MAPKAP1: variants seen among roughly 807,000 people sequenced by gnomAD.
MAPKAP1 encodes the protein target of rapamycin complex 2 subunit MAPKAP1.
Under a neutral mutation model 65.7 loss-of-function variants are expected in MAPKAP1, and 20 were observed. The observed-to-expected ratio is 0.30, with a 90% confidence interval of 0.21 to 0.44. The LOEUF is 0.44. Ranked by LOEUF, MAPKAP1 falls within the 20% of genes least tolerant of loss-of-function variation. MAPKAP1 has a pLI of 1.00. For missense variants in MAPKAP1, 423 were observed against 648.0 expected, an observed-to-expected ratio of 0.65 and a Z score of 3.77; for synonymous variants, 222 against 244.3, an observed-to-expected ratio of 0.91 and a Z score of 0.85.
At chr9:125,510,189 G>GA (rs1217249699) in intron 7 of MAPKAP1, among the ~76,000 whole-genome samples, 1 of 152,090 alleles carries the variant, frequency 6.6e-6, no homozygotes, top group African/African-American at 2.4e-5. Flanking sequence ...TAGGAAGGGG[G>GA]AAAAATGAAA....
At chr9:125,506,071 G>GTTT (rs1829130362) in intron 8 of MAPKAP1, 3 of 540,756 alleles carry the variant, frequency 5.5e-6, no homozygotes, top group Admixed American at 2.9e-5. Context: ...TAGGAAGACA[G>GTTT]TTTAACAGGA....
intron 3 of MAPKAP1, among the ~76,000 whole-genome samples, chr9:125,668,419 C>A (rs1199925068): frequency 2.0e-5 from 3 of 152,124 alleles, no homozygotes; most frequent in African/African-American, 7.2e-5. Context: ...GTATAATAAA[C>A]CTTAATATTA....
chr9:125,693,666 CATATACACGTATAT>C (rs1835264678), intron 1 of MAPKAP1, among the ~76,000 whole-genome samples: 2 of 134,328 alleles, frequency 1.5e-5, no homozygotes, highest in Admixed American at 8.3e-5. Context: ...CATACACACA[CATATACACGTATAT>C]ATACACGTAT....
intron 10 of MAPKAP1, among the ~76,000 whole-genome samples, chr9:125,455,769 C>T (rs369661582): frequency 6.6e-6 from 1 of 152,258 alleles, no homozygotes; most frequent in Non-Finnish European, 1.5e-5. Flanking sequence ...CACAGTTTGC[C>T]AATTCCTGCT....
At chr9:125,599,978 T>C (rs1832254644) in intron 4 of MAPKAP1, 1 of 151,912 alleles carries the variant, frequency 6.6e-6, no homozygotes, top group African/African-American at 2.4e-5. Context: ...AGAAAGGAGG[T>C]TGCTGCTCTC....
chr9:125,589,917 A>G (rs1341330432), intron 4 of MAPKAP1, among the ~76,000 whole-genome samples: 2 of 152,178 alleles, frequency 1.3e-5, no homozygotes, highest in African/African-American at 4.8e-5. Context: ...CTCTGAAATA[A>G]TAATTTCAAT....
In MAPKAP1 at chr9:125,551,862, G is replaced by C. The variant is rs541194874; in HGVS notation, c.848+7771C>G. On this transcript the variant is annotated intron_variant, in intron 6 of 11. Coordinates refer to ENST00000265960, the MANE Select transcript of MAPKAP1 (RefSeq NM_001006617.3). ...ACGAACAAGGCAGGTCCCTATCCTT[G>C]AGAGGCACTTAGCCCACTCAAGATC... Among the ~76,000 whole-genome samples, 35 of 152,322 alleles carry C rather than the reference G, an allele frequency of 2.3e-4. 1 individual carries two copies. The South Asian group carries it at 7.0e-3, about 31-fold the overall frequency.
At chr9:125,617,487 A>G (rs1832780506) in intron 4 of MAPKAP1, among the ~76,000 whole-genome samples, 1 of 152,218 alleles carries the variant, frequency 6.6e-6, no homozygotes, top group African/African-American at 2.4e-5. Context: ...AAAAGTCTGT[A>G]AGTCTCTGCC....
intron 3 of MAPKAP1, 74 bp downstream of exon 3, chr9:125,669,744 T>TA: frequency 1.3e-6 from 1 of 741,912 alleles, no homozygotes; most frequent in African/African-American, 1.8e-5. Flanking sequence ...AAGGATGAAT[T>TA]AAAAATAAAA....
At chr9:125,465,596 T>C (rs1376287244) in intron 10 of MAPKAP1, among the ~76,000 whole-genome samples, 4 of 152,234 alleles carry the variant, frequency 2.6e-5, no homozygotes, top group Admixed American at 1.3e-4. Flanking sequence ...GATTCTAAAT[T>C]CTGGCTTCAG....
chr9:125,693,025 C>T (rs1210641333), intron 1 of MAPKAP1, among the ~76,000 whole-genome samples: 2 of 152,162 alleles, frequency 1.3e-5, no homozygotes, highest in East Asian at 3.8e-4. Context: ...AGCAAACCCT[C>T]ACACACTGGA....
At chr9:125,598,418 A>C (rs1490007546) in intron 4 of MAPKAP1, among the ~76,000 whole-genome samples, 1 of 152,176 alleles carries the variant, frequency 6.6e-6, no homozygotes, top group Admixed American at 6.5e-5. Flanking sequence ...AAATTGACAA[A>C]ATCTCATTAA....
At position 125,512,651 on chromosome 9, in the gene MAPKAP1, G is replaced by A. The variant is rs915742335; in HGVS notation, c.959-6234C>T. Among the ~76,000 whole-genome samples the A allele has an allele frequency of 5.9e-5, 9 of 151,814 alleles. 1 individual carries two copies. Among genetic ancestry groups the A allele is most frequent in the African/African-American group, 2.2e-4 (9 of 41,320 alleles). ...GGTTGGAGTGCAGTGGCGCAATCTC[G>A]GCTCACTGCAAGCTCCGCCTCCCGG... On this transcript the variant is annotated intron_variant, in intron 7 of 11. Coordinates refer to ENST00000265960, the MANE Select transcript of MAPKAP1 (RefSeq NM_001006617.3).
In MAPKAP1 at chr9:125,505,217, G is replaced by A. The variant is rs1025482979; in HGVS notation, c.1066+1093C>T. ...GAGGCTGAGGCGGGCGGATCACCAC[G>A]TCAGGAGATAGAGACCATAGAAACG... is the stretch of plus-strand genomic sequence containing the variant. On this transcript the variant is annotated intron_variant, in intron 8 of 11. Transcript: ENST00000265960. 2.6e-5 allele frequency among the ~76,000 whole-genome samples: 4 copies of A among 152,246 alleles called. No homozygotes were observed. In the South Asian group the frequency reaches 6.2e-4, roughly 24 times the overall value.
Position 125,672,606 on chromosome 9 carries a change from A to G in MAPKAP1, c.-32T>C. On this transcript the variant is annotated 5_prime_UTR_variant, in exon 2 of 12. It removes the in-frame stop codon of an upstream open reading frame in the 5' UTR. Transcript: ENST00000265960. Reference sequence around the variant, plus strand: ...TGTGGGCCAATTTCCTTAAAAGGCTATTTTCTCCTCTTCATATTGTTTCAC... The same window carrying G: ...TGTGGGCCAATTTCCTTAAAAGGCTGTTTTCTCCTCTTCATATTGTTTCAC... 6 of 1,609,090 alleles carry G rather than the reference A, an allele frequency of 3.7e-6. No individual in the cohort carries two copies. The highest frequency in any genetic ancestry group is 5.1e-6 in the Non-Finnish European group (6 of 1,176,510).
intron 5 of MAPKAP1, among the ~76,000 whole-genome samples, chr9:125,574,834 T>C (rs1831344425): frequency 6.6e-6 from 1 of 152,244 alleles, no homozygotes; most frequent in African/African-American, 2.4e-5. Context: ...TTTTCATTAC[T>C]ACCCTGTTAG....
chr9:125,534,563 A>G (rs1256730777), intron 7 of MAPKAP1, among the ~76,000 whole-genome samples: 3 of 152,194 alleles, frequency 2.0e-5, no homozygotes, highest in Non-Finnish European at 4.4e-5. Flanking sequence ...TATCTGTTGG[A>G]CAGATTTCTT....
chr9:125,437,489 T>C lies in MAPKAP1; in HGVS notation c.*1398A>G, dbSNP rs1259516398. The C allele has an allele frequency of 1.3e-5, 2 of 152,610 alleles. No homozygotes were observed. The highest frequency in any genetic ancestry group is 2.9e-5 in the Non-Finnish European group (2 of 68,038). 9.5% of individuals were successfully genotyped at this position (152,610 alleles called of 1,614,324 possible). A position where few individuals can be genotyped will look rare whatever the true frequency, so the allele number is the denominator to read the frequency against. Reference sequence around the variant, plus strand: ...TTAGTCATTTACATTTTTCAAAGTATCTAAATATAAAATTGCTAAAAATTC... The same window carrying C: ...TTAGTCATTTACATTTTTCAAAGTACCTAAATATAAAATTGCTAAAAATTC... On this transcript the variant is annotated 3_prime_UTR_variant, in exon 12 of 12. Coordinates refer to ENST00000265960, the MANE Select transcript of MAPKAP1 (RefSeq NM_001006617.3).
At chr9:125,543,019 A>T in intron 7 of MAPKAP1, 40 bp downstream of exon 7, 1 of 1,334,290 alleles carries the variant, frequency 7.5e-7, no homozygotes, top group Non-Finnish European at 1.1e-6. Flanking sequence ...AATAAGGGTT[A>T]AGCTTCTACT....
Sources: allele counts gnomAD v4.1 joint callset (sites outside exome capture counted in the v4.1 genomes callset), GRCh38; gene constraint gnomAD v4.1.1; transcripts MANE v1.5; gene names NCBI Gene and HGNC (gene_info 2026-07-23, HGNC 2026-07-21).